The following DLGAP2 variants were observed in gnomAD, a reference collection of about 807,000 sequenced individuals.
DLGAP2 encodes the protein disks large-associated protein 2.
DLGAP2 carries 26 observed loss-of-function variants against 100.3 expected under a neutral mutation model. The observed-to-expected ratio is 0.26, with a 90% confidence interval of 0.19 to 0.36. The LOEUF is 0.36. DLGAP2 is among the 10% of genes least tolerant of loss of function. The pLI, the probability that DLGAP2 is intolerant of heterozygous loss-of-function variation, is 1.00. For synonymous variants in DLGAP2, 886 were observed against 630.1 expected, an observed-to-expected ratio of 1.41 and a Z score of -6.08; for missense variants, 1,858 against 1,453.2, an observed-to-expected ratio of 1.28 and a Z score of -4.53.
At chr8:797,455 G>A (rs943441374) in intron 1 of DLGAP2, among the ~76,000 whole-genome samples, 31 of 152,204 alleles carry the variant, frequency 2.0e-4, no homozygotes, top group African/African-American at 6.3e-4. Context: ...CCATTCTCTG[G>A]ATGGACTCCT....
At position 1,676,681 on chromosome 8, in the gene DLGAP2, TGG is replaced by T. The variant is rs890306301; in HGVS notation, c.2288+64_2288+65del. On this transcript the variant is annotated intron_variant, in intron 11 of 14. Transcript: ENST00000637795. ...CGAGGGCTCTTTGTCAAAGGCCTGA[TGG>T]AAGCTCCTAGATCCTGCCGGCCCTC... The T allele has an allele frequency of 1.9e-5, 28 of 1,505,908 alleles. No individual in the cohort carries two copies. In the Middle Eastern group the frequency reaches 7.7e-4, roughly 42 times the overall value. 93.3% of individuals were successfully genotyped at this position (1,505,908 alleles called of 1,614,324 possible).
At chr8:1,371,811 C>A (rs1802244984) in intron 3 of DLGAP2, among the ~76,000 whole-genome samples, 1 of 152,140 alleles carries the variant, frequency 6.6e-6, no homozygotes, top group Non-Finnish European at 1.5e-5. Flanking sequence ...TGGAACTGTC[C>A]ACTCACCCTG....
At chr8:1,121,969 T>C (rs1796060227) in intron 2 of DLGAP2, among the ~76,000 whole-genome samples, 1 of 152,190 alleles carries the variant, frequency 6.6e-6, no homozygotes, top group African/African-American at 2.4e-5. Context: ...GAGTGCTTCT[T>C]TCTCATGGTG....
chr8:1,000,479 G>T (rs10090397), intron 2 of DLGAP2, among the ~76,000 whole-genome samples: 1 of 145,414 alleles, frequency 6.9e-6, no homozygotes, highest in African/African-American at 2.6e-5. Context: ...TCTCTAGAGC[G>T]GACAGATCCG....
intron 6 of DLGAP2, among the ~76,000 whole-genome samples, chr8:1,572,608 G>GGT (rs1802774568): frequency 7.1e-6 from 1 of 141,522 alleles, no homozygotes; most frequent in African/African-American, 2.7e-5. Context: ...AGAGGAGAGG[G>GGT]TGAACTGTGG....
chr8:936,519 C>A (rs1799075109), intron 2 of DLGAP2, among the ~76,000 whole-genome samples: 2 of 152,146 alleles, frequency 1.3e-5, no homozygotes, highest in African/African-American at 4.8e-5. Flanking sequence ...CGCATGGCTC[C>A]TGGGCTGCTG....
chr8:1,233,022 C>T (rs545522014), intron 2 of DLGAP2, among the ~76,000 whole-genome samples: 5 of 152,306 alleles, frequency 3.3e-5, no homozygotes, highest in African/African-American at 9.6e-5. Context: ...GGAATAGAAC[C>T]ATCTGGCATT....
intron 2 of DLGAP2, among the ~76,000 whole-genome samples, chr8:1,037,070 G>C (rs1185485967): frequency 6.6e-6 from 1 of 152,142 alleles, no homozygotes; most frequent in East Asian, 1.9e-4. Flanking sequence ...ATGGCGGACA[G>C]GCATGCTGTG....
intron 2 of DLGAP2, among the ~76,000 whole-genome samples, chr8:974,242 T>G (rs1379299852): frequency 6.6e-6 from 1 of 152,070 alleles, no homozygotes; most frequent in African/African-American, 2.4e-5. Context: ...AAATCAAAGA[T>G]GAAAATGAAA....
intron 2 of DLGAP2, chr8:1,250,239 A>G (rs1037232547): frequency 6.6e-6 from 1 of 152,294 alleles, no homozygotes; most frequent in Non-Finnish European, 1.5e-5. Flanking sequence ...CCCCAAAGTC[A>G]GATATGGCAT....
intron 2 of DLGAP2, among the ~76,000 whole-genome samples, chr8:962,005 T>C (rs1221652034): frequency 6.6e-6 from 1 of 152,210 alleles, no homozygotes; most frequent in African/African-American, 2.4e-5. Context: ...AGAGATTTGA[T>C]TGGTTTCAGG....
In DLGAP2 at chr8:1,701,235, G is replaced by A. The variant is rs1390497654; in HGVS notation, c.2997G>A (p.Gly999=). ...CAATACCAAAGAAGCCTCCCAAGGGGAAGTTTCCCATCACAAGAGAAAAAT... is the reference window on the plus strand; with the variant it reads ...CAATACCAAAGAAGCCTCCCAAGGGAAAGTTTCCCATCACAAGAGAAAAAT... ...PPPIPKKPPK[G]KFPITREKSL... is the part of the protein sequence containing the mutation. The change falls in exon 15 of 15, where the codon GGG becomes GGA. Residue 999 remains glycine, a synonymous_variant. Transcript: ENST00000637795. The A allele has an allele frequency of 6.3e-7, 1 of 1,578,378 alleles. No homozygotes were observed. The highest frequency in any genetic ancestry group is 8.6e-7 in the Non-Finnish European group (1 of 1,162,744).
intron 3 of DLGAP2, among the ~76,000 whole-genome samples, chr8:1,409,263 C>G (rs1466747626): frequency 6.6e-6 from 1 of 151,180 alleles, no homozygotes; most frequent in East Asian, 2.0e-4. Context: ...GCCCTGAGCA[C>G]AGAATTGTCT....
chr8:1,637,129 C>T (rs6997785), intron 8 of DLGAP2, among the ~76,000 whole-genome samples: 1 of 152,172 alleles, frequency 6.6e-6, no homozygotes, highest in South Asian at 2.1e-4. Context: ...CAGTGTGCAG[C>T]CTTTCCAGGT....
chr8:1,325,369 C>T (rs1358402957), intron 3 of DLGAP2, among the ~76,000 whole-genome samples: 2 of 152,166 alleles, frequency 1.3e-5, no homozygotes, highest in East Asian at 1.9e-4. Flanking sequence ...CTGCAGGGGG[C>T]GTCCTCCCAC....
chr8:1,368,844 C>G (rs1802170780), intron 3 of DLGAP2: 1 of 152,236 alleles, frequency 6.6e-6, no homozygotes, highest in African/African-American at 2.4e-5. Flanking sequence ...CTGGAACCAT[C>G]TATTCCTGAT....
chr8:1,194,283 C>T (rs922356214), intron 2 of DLGAP2, among the ~76,000 whole-genome samples: 1 of 152,104 alleles, frequency 6.6e-6, no homozygotes, highest in Admixed American at 6.5e-5. Flanking sequence ...GAGAGTGAAC[C>T]TGCAAGAGAC....
chr8:1,237,301 CTG>C, intron 2 of DLGAP2, among the ~76,000 whole-genome samples: 1 of 130,836 alleles, frequency 7.6e-6, no homozygotes, highest in East Asian at 2.2e-4. Flanking sequence ...ATGTCTAGTT[CTG>C]TCTCACACAG....
intron 3 of DLGAP2, among the ~76,000 whole-genome samples, chr8:1,350,709 T>C (rs1337911802): frequency 2.3e-4 from 18 of 79,204 alleles, no homozygotes; most frequent in African/African-American, 3.1e-4. Context: ...GGGTCCTGAG[T>C]GTGCGTGGAA....
Sources: gnomAD v4.1 joint callset for allele counts (sites outside exome capture counted in the v4.1 genomes callset) on GRCh38, gnomAD v4.1.1 for gene constraint, MANE v1.5 for transcripts, NCBI Gene and HGNC (gene_info 2026-07-23, HGNC 2026-07-21) for gene names.